UNC5B: variants seen among roughly 807,000 people sequenced by gnomAD.
The protein encoded by UNC5B is netrin receptor UNC5B.
A neutral mutation model predicts 103.7 loss-of-function variants in UNC5B; 56 were observed. That is an observed-to-expected ratio of 0.54 (90% CI 0.44 to 0.67). The LOEUF (loss-of-function observed/expected upper bound fraction) is 0.67, where lower values mean the gene tolerates loss of function less well. Ranked by LOEUF, UNC5B falls within the 30% of genes least tolerant of loss-of-function variation. The pLI, the probability that UNC5B is intolerant of heterozygous loss-of-function variation, is 0.00. For missense variants in UNC5B, 1,194 were observed against 1,284.5 expected, an observed-to-expected ratio of 0.93 and a Z score of 1.08; for synonymous variants, 577 against 542.0, an observed-to-expected ratio of 1.06 and a Z score of -0.90.
At chr10:71,261,920 C>T (rs1035429104) in intron 1 of UNC5B, among the ~76,000 whole-genome samples, 2 of 136,676 alleles carry the variant, frequency 1.5e-5, no homozygotes, top group East Asian at 2.4e-4. Flanking sequence ...GGGGCTCTGA[C>T]GGGAAGGGTT....
Position 71,296,531 on chromosome 10 carries a change from G to C in UNC5B, c.2326-47G>C, listed in dbSNP as rs752306699. 3.7e-6 allele frequency: 6 copies of C among 1,602,158 alleles called. No homozygotes were observed. The African/African-American group carries it at 5.4e-5, about 14-fold the overall frequency. ...CTGAGCCTCCATTTCTATGAGGACA[G>C]GGCAGGCTGGCCTTGCCTGCCTGGT... On this transcript the variant is annotated intron_variant, in intron 14 of 16. Coordinates refer to ENST00000335350, the MANE Select transcript of UNC5B (RefSeq NM_170744.5).
chr10:71,235,644 G>C (rs970227687), intron 1 of UNC5B, among the ~76,000 whole-genome samples: 3 of 152,146 alleles, frequency 2.0e-5, no homozygotes, highest in African/African-American at 7.2e-5. Context: ...GACTGGTAGG[G>C]GGGTCCTAGG....
At chr10:71,289,632 G>A (rs1185208957) in intron 8 of UNC5B, among the ~76,000 whole-genome samples, 5 of 152,240 alleles carry the variant, frequency 3.3e-5, no homozygotes, top group Non-Finnish European at 5.9e-5. Context: ...TGAGGCCCTC[G>A]GCCGAGCTCA....
chr10:71,279,796 A>C (rs766143173), intron 1 of UNC5B, 25 bp from the exon 2 acceptor site: 2 of 1,605,598 alleles, frequency 1.2e-6, no homozygotes, highest in African/African-American at 2.7e-5. Context: ...ACACAGCCTC[A>C]TGGAGGTCTC....
intron 1 of UNC5B, among the ~76,000 whole-genome samples, chr10:71,229,013 C>T (rs1000169863): frequency 3.9e-5 from 6 of 152,206 alleles, no homozygotes; most frequent in Admixed American, 3.3e-4. Flanking sequence ...GCGCACCTCC[C>T]TCAATGCCCA....
intron 1 of UNC5B, among the ~76,000 whole-genome samples, chr10:71,225,817 G>A (rs1323060317): frequency 2.3e-5 from 3 of 131,612 alleles, no homozygotes; most frequent in Admixed American, 7.4e-5. Context: ...AGGGGACATG[G>A]GTCTTGAGGA....
chr10:71,288,975 G>A lies in UNC5B; in HGVS notation c.1084G>A (p.Asp362Asn), dbSNP rs761496877. 1.8e-5 allele frequency: 29 copies of A among 1,613,766 alleles called. No homozygotes were observed. Among genetic ancestry groups the A allele is most frequent in the South Asian group, 7.7e-5 (7 of 91,066 alleles). ...CTTGACAGATAAGAAAACTCTAAGC[G>A]ACCCCAACAGCCACCGTAAGTCCCA... Reference protein sequence around the residue: ...LCMQNKKTLSDPNSHLLEASG... With the variant: ...LCMQNKKTLSNPNSHLLEASG... The change falls in exon 8 of 17, where the codon GAC becomes AAC. Residue 362 changes from aspartate (D) to asparagine (N), a missense_variant. By Grantham distance (23) the Asp-to-Asn change is conservative. Transcript: ENST00000335350.
intron 1 of UNC5B, among the ~76,000 whole-genome samples, chr10:71,223,775 T>C (rs942739442): frequency 7.9e-5 from 12 of 152,226 alleles, no homozygotes; most frequent in African/African-American, 2.9e-4. Context: ...CCTTGCCTTC[T>C]TGTGGCTCAA....
Position 71,214,898 on chromosome 10 carries a change from T to G in UNC5B, c.79+1834T>G, listed in dbSNP as rs190766275. On this transcript the variant is annotated intron_variant, in intron 1 of 16. Transcript: ENST00000335350. ...GAATGGTGCCCAGTCAGAAATGGCC[T>G]CTAATACCCGGCTTTGATTTCTCAC... 4.6e-5 allele frequency among the ~76,000 whole-genome samples: 7 copies of G among 152,302 alleles called. No individual in the cohort carries two copies. In the East Asian group the frequency reaches 1.4e-3, roughly 29 times the overall value.
chr10:71,236,492 GTAAA>G (rs1374382027), intron 1 of UNC5B, among the ~76,000 whole-genome samples: 5 of 152,212 alleles, frequency 3.3e-5, no homozygotes, highest in African/African-American at 1.2e-4. Context: ...GAGCCAGCTC[GTAAA>G]TATGAAGCCG....
At chr10:71,239,427 G>A (rs1179039335) in intron 1 of UNC5B, among the ~76,000 whole-genome samples, 2 of 146,218 alleles carry the variant, frequency 1.4e-5, no homozygotes, top group Non-Finnish European at 3.0e-5. Context: ...GGGTGGGTGG[G>A]ATGAGGGTCG....
At chr10:71,293,372 A>G (rs763348345) in intron 11 of UNC5B, 33 bp from the exon 12 acceptor site, 2 of 1,582,970 alleles carry the variant, frequency 1.3e-6, no homozygotes, top group Non-Finnish European at 1.7e-6. Flanking sequence ...CGAGCTCTTC[A>G]CTGCCTCTCT....
intron 9 of UNC5B, 66 bp downstream of exon 9, chr10:71,291,175 C>A: frequency 6.5e-7 from 1 of 1,539,838 alleles, no homozygotes; most frequent in Non-Finnish European, 8.8e-7. Context: ...CTGGTGGTAC[C>A]CAGACCAGAG....
At chr10:71,260,826 A>G (rs940446453) in intron 1 of UNC5B, among the ~76,000 whole-genome samples, 3 of 152,232 alleles carry the variant, frequency 2.0e-5, no homozygotes, top group Non-Finnish European at 4.4e-5. Context: ...GGCTGGAGCC[A>G]GGTTTTCAGG....
chr10:71,292,544 G>A lies in UNC5B; in HGVS notation c.1762G>A (p.Glu588Lys). The change falls in exon 11 of 17, where the codon GAA (glutamate) becomes AAA (lysine). Residue 588 changes from glutamate to lysine, a missense_variant. Coordinates refer to ENST00000335350, the MANE Select transcript of UNC5B (RefSeq NM_170744.5). ...GATGTATCTACTCATCAACAAGGCA[G>A]AAAGTACCCTGTGAGTAGAGCCCCA... The part of the protein sequence containing the change: ...YEMYLLINKA[E>K]STLPLSEGTQ... 1 of 1,602,926 alleles carries A rather than the reference G, an allele frequency of 6.2e-7. No homozygotes were observed. Among genetic ancestry groups the A allele is most frequent in the Non-Finnish European group, 8.5e-7 (1 of 1,174,820 alleles).
intron 1 of UNC5B, among the ~76,000 whole-genome samples, chr10:71,245,531 G>A (rs1480494318): frequency 6.6e-6 from 1 of 152,164 alleles, no homozygotes; most frequent in Non-Finnish European, 1.5e-5. Context: ...GGGCTGGCGG[G>A]GAGAGGCAGC....
intron 4 of UNC5B, 137 bp downstream of exon 4, chr10:71,285,566 A>G: frequency 1.3e-6 from 1 of 775,580 alleles, no homozygotes. Flanking sequence ...ATCGAGGCTT[A>G]GCACAGAGAA....
intron 1 of UNC5B, among the ~76,000 whole-genome samples, chr10:71,224,564 G>A (rs1191170175): frequency 6.6e-6 from 1 of 152,098 alleles, no homozygotes; most frequent in Non-Finnish European, 1.5e-5. Context: ...CCCTCTCTGA[G>A]CTTCCTCTGT....
At chr10:71,291,882 C>T in intron 10 of UNC5B, 61 bp downstream of exon 10, 1 of 1,516,356 alleles carries the variant, frequency 6.6e-7, no homozygotes, top group Non-Finnish European at 8.8e-7. Context: ...TGGACTGCCC[C>T]AACACCCATC....
Sources: allele counts gnomAD v4.1 joint callset (sites outside exome capture counted in the v4.1 genomes callset), GRCh38; gene constraint gnomAD v4.1.1; transcripts MANE v1.5; gene names NCBI Gene and HGNC (gene_info 2026-07-23, HGNC 2026-07-21).